NOL10: variants seen among roughly 807,000 people sequenced by gnomAD.
NOL10 encodes the protein nucleolar protein 10, also known as H_NH0074G24.1.
Under a neutral mutation model 103.5 loss-of-function variants are expected in NOL10, and 58 were observed. The observed-to-expected ratio is 0.56, with a 90% CI of 0.45 to 0.70. The LOEUF is 0.70. NOL10 is among the 30% of genes least tolerant of loss of function. The pLI, the probability that NOL10 is intolerant of heterozygous loss-of-function variation, is 0.00. For missense variants in NOL10, 763 were observed against 807.3 expected (o/e 0.95, Z 0.67); for synonymous variants, 287 against 282.5 (o/e 1.02, Z -0.16).
chr2:10,643,709 C>T (rs1243040033), intron 13 of NOL10, among the ~76,000 whole-genome samples: 1 of 152,056 alleles, frequency 6.6e-6, no homozygotes, highest in Non-Finnish European at 1.5e-5. Flanking sequence ...AGAATTAGAC[C>T]TCCGGATCAC....
At chr2:10,604,833 G>C (rs929327976) in intron 14 of NOL10, 8 of 152,146 alleles carry the variant, frequency 5.3e-5, no homozygotes, top group Non-Finnish European at 8.8e-5. Flanking sequence ...TGAGAAAAAA[G>C]GGCTCCATGG....
intron 8 of NOL10, among the ~76,000 whole-genome samples, chr2:10,665,580 C>T (rs13384773): frequency 0.013 from 2,056 of 152,320 alleles, 44 homozygotes; most frequent in African/African-American, 0.047. Flanking sequence ...TCCCTACCTC[C>T]TATCCCTTCA....
chr2:10,643,269 CA>C (rs1269901786), intron 13 of NOL10, among the ~76,000 whole-genome samples: 3 of 152,106 alleles, frequency 2.0e-5, no homozygotes, highest in Non-Finnish European at 4.4e-5. Flanking sequence ...TGTGAAAATA[CA>C]TAACTGAGCA....
At chr2:10,649,823 G>C (rs895244705) in intron 12 of NOL10, among the ~76,000 whole-genome samples, 1 of 152,166 alleles carries the variant, frequency 6.6e-6, no homozygotes, top group Admixed American at 6.5e-5. Context: ...AAACGAACAA[G>C]GGTGGCTGTG....
intron 1 of NOL10, among the ~76,000 whole-genome samples, chr2:10,687,648 A>G (rs147077514): frequency 1.6e-4 from 24 of 152,288 alleles, no homozygotes; most frequent in African/African-American, 5.8e-4. Context: ...TAGAACTTCA[A>G]ATGTTCACTA....
chr2:10,636,097 A>G (rs915166283), intron 13 of NOL10, among the ~76,000 whole-genome samples: 1 of 152,138 alleles, frequency 6.6e-6, no homozygotes, highest in African/African-American at 2.4e-5. Flanking sequence ...CTTGTTGGCC[A>G]GGCTAGTCTC....
At chr2:10,681,940 G>T in intron 3 of NOL10, 31 bp downstream of exon 3, 2 of 993,928 alleles carry the variant, frequency 2.0e-6, no homozygotes, top group Non-Finnish European at 1.4e-6. Flanking sequence ...GGTACAAAAT[G>T]CATGAAAATC....
rs1558270373 is a variant in NOL10, at chr2:10,587,148, TACATATATAC to T, written c.1844+1885_1844+1894del. ...ATATATACATATATACACATATATA[TACATATATAC>T]ACATATATACACATATATATACACA... On this transcript the variant is annotated intron_variant, in intron 19 of 20. Transcript: ENST00000381685. 9.1e-4 allele frequency among the ~76,000 whole-genome samples: 26 copies of T among 28,418 alleles called. 1 individual carries two copies. Among genetic ancestry groups the T allele is most frequent in the Non-Finnish European group, 1.6e-3 (19 of 12,188 alleles). 18.6% of individuals were successfully genotyped at this position (28,418 alleles called of 152,430 possible). A position where few individuals can be genotyped will look rare whatever the true frequency, so the allele number is the denominator to read the frequency against.
chr2:10,627,190 G>C (rs1322745971), intron 13 of NOL10, among the ~76,000 whole-genome samples: 2 of 152,168 alleles, frequency 1.3e-5, no homozygotes, highest in Admixed American at 1.3e-4. Flanking sequence ...TTGCTTCCCA[G>C]TTCATAGTTA....
chr2:10,644,474 A>G (rs1468722123), intron 12 of NOL10, 102 bp from the exon 13 acceptor site: 1 of 708,366 alleles, frequency 1.4e-6, no homozygotes, highest in Admixed American at 3.8e-5. Flanking sequence ...TCTGTTAGTC[A>G]GTGAACCAAA....
chr2:10,689,530 G>C lies in NOL10; in HGVS notation c.66+266C>G, dbSNP rs545710078. Among the ~76,000 whole-genome samples, 8 of 152,310 alleles carry C rather than the reference G, an allele frequency of 5.3e-5. No homozygotes were observed. The East Asian group carries it at 1.3e-3, about 26-fold the overall frequency. On this transcript the variant is annotated intron_variant, in intron 1 of 20. Transcript: ENST00000381685. The stretch of plus-strand genomic sequence containing the variant: ...GAGGCCCAAATGGTTGCGTTCTCTG[G>C]AACAGAGAACTTTACAAAAGTTCCA...
At chr2:10,681,158 G>A (rs182251394) in intron 3 of NOL10, among the ~76,000 whole-genome samples, 7 of 152,062 alleles carry the variant, frequency 4.6e-5, no homozygotes, top group South Asian at 4.2e-4. Flanking sequence ...ACTTCTATAC[G>A]ATTGTTCATA....
intron 20 of NOL10, among the ~76,000 whole-genome samples, chr2:10,577,044 G>C (rs1465821707): frequency 7.0e-6 from 1 of 143,046 alleles, no homozygotes; most frequent in Non-Finnish European, 1.6e-5. Flanking sequence ...TATTTAAGCA[G>C]CTTACTCCTC....
intron 13 of NOL10, among the ~76,000 whole-genome samples, chr2:10,629,497 ATGTT>A (rs1677696889): frequency 6.6e-6 from 1 of 152,204 alleles, no homozygotes; most frequent in Admixed American, 6.5e-5. Context: ...CAAAATGTTA[ATGTT>A]TGTCTTTAGG....
chr2:10,622,312 G>A (rs1179872484), intron 13 of NOL10, among the ~76,000 whole-genome samples: 2 of 152,138 alleles, frequency 1.3e-5, no homozygotes, highest in Non-Finnish European at 2.9e-5. Flanking sequence ...ATAGTATAAG[G>A]AGACCCTGAT....
chr2:10,572,965 A>ATCT (rs1674259543), intron 20 of NOL10, among the ~76,000 whole-genome samples: 1 of 152,216 alleles, frequency 6.6e-6, no homozygotes, highest in Admixed American at 6.5e-5. Flanking sequence ...AATTCTTAGA[A>ATCT]GAGCATCAGT....
Position 10,572,124 on chromosome 2 carries a change from G to A in NOL10, c.2014C>T (p.Arg672Cys), listed in dbSNP as rs776781129. ...LHRQERKRLRRSAGHLKSRHK... is the reference protein window; with the variant it reads ...LHRQERKRLRCSAGHLKSRHK... ...CTTGACTTCAGGTGTCCGGCCGAACGACGGAGTCTTTTCCTTTCTTGTCGA... is the reference window on the plus strand; with the variant it reads ...CTTGACTTCAGGTGTCCGGCCGAACAACGGAGTCTTTTCCTTTCTTGTCGA... The change falls in exon 21 of 21, where the codon CGT (arginine) becomes TGT (cysteine). Residue 672 changes from arginine (R) to cysteine (C), a missense_variant. Transcript: ENST00000381685. 8.1e-6 allele frequency: 13 copies of A among 1,613,958 alleles called. No homozygotes were observed. The highest frequency in any genetic ancestry group is 1.1e-5 in the South Asian group (1 of 91,082).
At chr2:10,685,500 CCCCCCCCG>C (rs764583713) in intron 1 of NOL10, among the ~76,000 whole-genome samples, 46 of 33,894 alleles carry the variant, frequency 1.4e-3, no homozygotes, top group African/African-American at 6.1e-3. Flanking sequence ...CCCCCCCCCC[CCCCCCCCG>C]CCAAAAAAAA....
intron 17 of NOL10, among the ~76,000 whole-genome samples, chr2:10,594,521 A>G (rs906195887): frequency 6.6e-6 from 1 of 152,238 alleles, no homozygotes; most frequent in African/African-American, 2.4e-5. Context: ...GTAAATAAGC[A>G]TAAGTCTAAC....
Sources: allele counts gnomAD v4.1 joint callset (sites outside exome capture counted in the v4.1 genomes callset), GRCh38; gene constraint gnomAD v4.1.1; transcripts MANE v1.5; gene names NCBI Gene and HGNC (gene_info 2026-07-23, HGNC 2026-07-21).